Variants in SKAP2 observed in about 807,000 individuals in gnomAD.
SKAP2 encodes src kinase associated phosphoprotein 2, also known as src kinase-associated phosphoprotein 2.
In SKAP2, 28 loss-of-function variants were observed where a neutral mutation model predicts 54.9. The observed-to-expected ratio is 0.51, with a 90% CI of 0.38 to 0.70. The LOEUF (loss-of-function observed/expected upper bound fraction) is 0.70. Ranked by LOEUF, SKAP2 falls within the 30% of genes least tolerant of loss-of-function variation. SKAP2 has a pLI of 0.00. For missense variants in SKAP2, 356 were observed against 424.1 expected, an observed-to-expected ratio of 0.84 and a Z score of 1.41; for synonymous variants, 137 against 134.3, an observed-to-expected ratio of 1.02 and a Z score of -0.14.
rs188799428 is a variant in SKAP2 at position 26,806,863 on chromosome 7, T to C, written c.307+37167A>G. ...AAGAAAAGTTGAAATCTAGCAGAGG[T>C]TGGTTCATGAGGTTTAAGGAAAGAA... On this transcript the variant is annotated intron_variant, in intron 4 of 12. Transcript: ENST00000345317. Among the ~76,000 whole-genome samples, 3 of 152,154 alleles carry C rather than the reference T, an allele frequency of 2.0e-5. No homozygotes were observed. The East Asian group carries it at 5.8e-4, about 29-fold the overall frequency.
chr7:26,786,169 TG>T (rs1355785343), intron 4 of SKAP2, among the ~76,000 whole-genome samples: 1 of 152,174 alleles, frequency 6.6e-6, no homozygotes, highest in Non-Finnish European at 1.5e-5. Flanking sequence ...GTAATCAAGA[TG>T]GGGGAAATTA....
At chr7:26,709,131 T>C (rs1294275511) in intron 9 of SKAP2, among the ~76,000 whole-genome samples, 1 of 152,212 alleles carries the variant, frequency 6.6e-6, no homozygotes, top group Non-Finnish European at 1.5e-5. Context: ...CTTATAAGTA[T>C]AAAACATAGG....
intron 1 of SKAP2, chr7:26,857,337 T>TAAAAAAAAAAAAAAAAAAAAAA (rs1785191413): frequency 7.6e-6 from 1 of 130,774 alleles, no homozygotes; most frequent in Admixed American, 1.3e-4. Flanking sequence ...AAAAAAAAAC[T>TAAAAAAAAAAAAAAAAAAAAAA]TTAAACTGGA....
At position 26,725,416 on chromosome 7, in the gene SKAP2, G is replaced by C; in HGVS notation, c.796+12C>G. ...CCTAAAATCTTTAAATGAATCACCA[G>C]AAAGTAAATACCTGGAAGTTCTTCA... On this transcript the variant is annotated intron_variant, in intron 9 of 12. Coordinates refer to ENST00000345317, the MANE Select transcript of SKAP2 (RefSeq NM_003930.5). 1 of 1,601,718 alleles carries C rather than the reference G, an allele frequency of 6.2e-7. No homozygotes were observed. Among genetic ancestry groups the C allele is most frequent in the Non-Finnish European group, 8.5e-7 (1 of 1,172,220 alleles).
At chr7:26,739,084 G>T (rs753801298) in intron 5 of SKAP2, among the ~76,000 whole-genome samples, 21 of 152,156 alleles carry the variant, frequency 1.4e-4, no homozygotes, top group Non-Finnish European at 2.5e-4. Context: ...ATACTTATGG[G>T]ATCAACAGCA....
At chr7:26,861,221 G>A (rs1323472032) in intron 1 of SKAP2, among the ~76,000 whole-genome samples, 2 of 141,070 alleles carry the variant, frequency 1.4e-5, no homozygotes, top group East Asian at 4.7e-4. Context: ...TTACTTTCTT[G>A]CCTGTCTAGA....
intron 6 of SKAP2, among the ~76,000 whole-genome samples, chr7:26,727,252 T>A (rs1176611535): frequency 6.6e-6 from 1 of 152,064 alleles, no homozygotes; most frequent in Non-Finnish European, 1.5e-5. Context: ...TATGGAAACA[T>A]GACACTCTAG....
chr7:26,794,902 C>A (rs1021061824), intron 4 of SKAP2, among the ~76,000 whole-genome samples: 3 of 152,182 alleles, frequency 2.0e-5, no homozygotes, highest in African/African-American at 7.2e-5. Flanking sequence ...GATTCTCTCC[C>A]CTGTACGTAT....
the SKAP2 span, among the ~76,000 whole-genome samples, chr7:26,657,278 G>A: frequency 1.3e-5 from 2 of 152,092 alleles, no homozygotes; most frequent in South Asian, 2.1e-4. Context: ...CACAGCCTTC[G>A]CAAGCTACAG....
At chr7:26,802,780 G>A (rs1448530566) in intron 4 of SKAP2, among the ~76,000 whole-genome samples, 1 of 151,910 alleles carries the variant, frequency 6.6e-6, no homozygotes, top group Non-Finnish European at 1.5e-5. Context: ...ACTCGGGAGG[G>A]TGAGGCAGGA....
chr7:26,803,834 G>A (rs904553390), intron 4 of SKAP2, among the ~76,000 whole-genome samples: 1 of 152,132 alleles, frequency 6.6e-6, no homozygotes, highest in African/African-American at 2.4e-5. Flanking sequence ...GGATGGAACT[G>A]GAAATCATTA....
At chr7:26,734,813 A>G (rs1247839214) in intron 6 of SKAP2, among the ~76,000 whole-genome samples, 1 of 152,190 alleles carries the variant, frequency 6.6e-6, no homozygotes, top group Non-Finnish European at 1.5e-5. Flanking sequence ...TAAAGCCCTC[A>G]TGCCTTAATC....
intron 6 of SKAP2, among the ~76,000 whole-genome samples, chr7:26,730,663 T>C (rs1354916811): frequency 6.6e-6 from 1 of 152,224 alleles, no homozygotes; most frequent in Non-Finnish European, 1.5e-5. Flanking sequence ...GAATGTAATG[T>C]CTACAGAACT....
intron 4 of SKAP2, among the ~76,000 whole-genome samples, chr7:26,817,701 A>T (rs541087552): frequency 2.6e-5 from 4 of 152,320 alleles, no homozygotes; most frequent in East Asian, 3.9e-4. Flanking sequence ...CCATCATCTC[A>T]GCCCAAAATC....
chr7:26,835,491 C>T (rs1474769849), intron 4 of SKAP2, among the ~76,000 whole-genome samples: 2 of 152,178 alleles, frequency 1.3e-5, no homozygotes, highest in Non-Finnish European at 2.9e-5. Flanking sequence ...GCAACCTCAG[C>T]AAAGACTCAG....
At chr7:26,738,674 T>G (rs1782363395) in intron 6 of SKAP2, 121 bp downstream of exon 6, 1 of 607,672 alleles carries the variant, frequency 1.6e-6, no homozygotes. Flanking sequence ...CAGATTATAA[T>G]TGTTATAATT....
chr7:26,819,552 C>T lies in SKAP2; in HGVS notation c.307+24478G>A, dbSNP rs570979472. 6.5e-4 allele frequency among the ~76,000 whole-genome samples: 92 copies of T among 142,230 alleles called. 1 individual carries two copies. The highest frequency in any genetic ancestry group is 2.2e-3 in the African/African-American group (87 of 39,098). 93.3% of individuals were successfully genotyped at this position (142,230 alleles called of 152,430 possible). On this transcript the variant is annotated intron_variant, in intron 4 of 12. Transcript: ENST00000345317. ...AGCTGCGCATTCTGCACATGTATCC[C>T]AGAACTTAAAGTATACTTAAAAAAA...
chr7:26,839,236 C>T (rs952328592), intron 4 of SKAP2, among the ~76,000 whole-genome samples: 1 of 152,036 alleles, frequency 6.6e-6, no homozygotes, highest in Non-Finnish European at 1.5e-5. Context: ...TACTTTATAT[C>T]CCCAATTGCA....
chr7:26,724,674 C>CA (rs1309416058), intron 9 of SKAP2, among the ~76,000 whole-genome samples: 1 of 151,904 alleles, frequency 6.6e-6, no homozygotes, highest in Non-Finnish European at 1.5e-5. Context: ...TTTTAATAGC[C>CA]AAAAAAGCTC....
Sources: gnomAD v4.1 joint callset for allele counts (sites outside exome capture counted in the v4.1 genomes callset) on GRCh38, gnomAD v4.1.1 for gene constraint, MANE v1.5 for transcripts, NCBI Gene and HGNC (gene_info 2026-07-23, HGNC 2026-07-21) for gene names.